GRSF1: variants seen among roughly 807,000 people sequenced by gnomAD.
GRSF1 encodes G-rich RNA sequence binding factor 1.
GRSF1 carries 50 observed loss-of-function variants against 51.1 expected under a neutral mutation model. The observed-to-expected ratio is 0.98, with a 90% CI of 0.78 to 1.24. The LOEUF (loss-of-function observed/expected upper bound fraction) is 1.24, where lower values mean the gene tolerates loss of function less well. Ranked by LOEUF, GRSF1 falls within the 50% of genes most tolerant of loss-of-function variation. The pLI is 0.00. For missense variants in GRSF1, 700 were observed against 639.7 expected, an observed-to-expected ratio of 1.09 and a Z score of -1.02; for synonymous variants, 293 against 253.3, an observed-to-expected ratio of 1.16 and a Z score of -1.49.
Position 70,816,897 on chromosome 4 carries a change from T to A in GRSF1, c.*3990A>T, listed in dbSNP as rs1578287393. The A allele has an allele frequency of 1.3e-5, 2 of 152,282 alleles. No individual in the cohort carries two copies. Among genetic ancestry groups the A allele is most frequent in the East Asian group, 3.9e-4 (2 of 5,190 alleles). The allele number at this position is 152,282 out of a possible 1,614,324, so 9.4% of individuals were successfully genotyped here. A position where few individuals can be genotyped will look rare whatever the true frequency, so the allele number is the denominator to read the frequency against. On this transcript the variant is annotated 3_prime_UTR_variant, in exon 10 of 10. Coordinates refer to ENST00000254799, the MANE Select transcript of GRSF1 (RefSeq NM_002092.4). ...CTGCTTGTACAATCTAAGGGATGGG[T>A]ATTGGCATCACCAAGATTTTATATA...
At chr4:70,839,367 C>G in intron 1 of GRSF1, 104 bp downstream of exon 1, 1 of 1,504,442 alleles carries the variant, frequency 6.6e-7, no homozygotes, top group Non-Finnish European at 8.9e-7. Flanking sequence ...CGCGGATCCC[C>G]GGGCGTGCCC....
chr4:70,841,087 A>T (rs1468374773), upstream of GRSF1, among the ~76,000 whole-genome samples: 1 of 151,942 alleles, frequency 6.6e-6, no homozygotes, highest in Non-Finnish European at 1.5e-5. Context: ...CTGGAGCCCA[A>T]GAGTTCCAGA....
Position 70,825,107 on chromosome 4 carries a change from T to C in GRSF1, c.1393+189A>G, listed in dbSNP as rs1201775761. Among the ~76,000 whole-genome samples, 3 of 151,990 alleles carry C rather than the reference T, an allele frequency of 2.0e-5. No individual in the cohort carries two copies. The East Asian group carries it at 5.8e-4, about 29-fold the overall frequency. On this transcript the variant is annotated intron_variant, in intron 8 of 9. Transcript: ENST00000254799. The stretch of plus-strand genomic sequence containing the variant: ...ACAAAAAAAAAAGAAAGAAAGAGAT[T>C]TGCAGGATAATTAGCAGACAAAATT...
chr4:70,837,880 TC>T (rs1260660291), intron 1 of GRSF1, among the ~76,000 whole-genome samples: 1 of 151,270 alleles, frequency 6.6e-6, no homozygotes, highest in East Asian at 2.0e-4. Context: ...CCTCAGGTGA[TC>T]CACCCGCCGC....
chr4:70,836,197 AG>A lies in GRSF1; in HGVS notation c.474del (p.Trp159GlyfsTer28). On this transcript the variant is annotated frameshift_variant, in exon 2 of 10. Coordinates refer to ENST00000254799, the MANE Select transcript of GRSF1 (RefSeq NM_002092.4). LOFTEE classifies it high-confidence loss of function. Reference sequence around the variant, plus strand: ...AGCACATCTTCCATAGTGCATGACCAGGGCAGTCCTTGAGCTCGAATGAGAA... The same window carrying A: ...AGCACATCTTCCATAGTGCATGACCAGGCAGTCCTTGAGCTCGAATGAGAA... The part of the protein sequence containing the change: ...DVFLIRAQGL[P>X]WSCTMEDVLN... 5 of 1,602,838 alleles carry A rather than the reference AG, an allele frequency of 3.1e-6. No homozygotes were observed. Among genetic ancestry groups the A allele is most frequent in the Non-Finnish European group, 4.3e-6 (5 of 1,175,966 alleles).
At chr4:70,834,883 A>G (rs1734132784) in intron 2 of GRSF1, among the ~76,000 whole-genome samples, 1 of 151,946 alleles carries the variant, frequency 6.6e-6, no homozygotes, top group Non-Finnish European at 1.5e-5. Flanking sequence ...TCGGCCTCCC[A>G]AAGTGCTGGG....
At chr4:70,838,143 C>T (rs1177056109) in intron 1 of GRSF1, among the ~76,000 whole-genome samples, 1 of 138,552 alleles carries the variant, frequency 7.2e-6, no homozygotes, top group Non-Finnish European at 1.5e-5. Flanking sequence ...GGCGTGAACC[C>T]GGAAGGCGGA....
chr4:70,835,492 T>C (rs1734168667), intron 2 of GRSF1, among the ~76,000 whole-genome samples: 1 of 144,410 alleles, frequency 6.9e-6, no homozygotes, highest in Admixed American at 6.8e-5. Flanking sequence ...AGTCTCACTC[T>C]GTCGCCCAGG....
Position 70,831,614 on chromosome 4 carries a change from T to C in GRSF1, c.875A>G (p.Glu292Gly). The C allele has an allele frequency of 1.2e-6, 2 of 1,613,526 alleles. No homozygotes were observed. Among genetic ancestry groups the C allele is most frequent in the Non-Finnish European group, 1.7e-6 (2 of 1,179,470 alleles). ...TGGTTCTTCAAATTGCACATAGGCTTCCCCTGTTTTTCGCCTCCCTCTATA... is the reference window on the plus strand; with the variant it reads ...TGGTTCTTCAAATTGCACATAGGCTCCCCCTGTTTTTCGCCTCCCTCTATA... ...MDYRGRRKTG[E>G]AYVQFEEPEM... Residue 292 changes from glutamate to glycine, a missense_variant, in exon 5 of 10, where the codon GAA (glutamate) becomes GGA (glycine). Physicochemically the swap from Glu to Gly is moderately conservative, Grantham distance 98 (BLOSUM62 -2). Transcript: ENST00000254799.
At chr4:70,822,583 C>CAAAA (rs749025985) in intron 9 of GRSF1, among the ~76,000 whole-genome samples, 4 of 20,488 alleles carry the variant, frequency 2.0e-4, no homozygotes, top group African/African-American at 4.6e-4. Flanking sequence ...GATTTCATAT[C>CAAAA]AAAAAAAAAA....
chr4:70,826,548 AAAG>A lies in GRSF1; in HGVS notation c.1136-306_1136-304del, dbSNP rs1228806170. ...GATTATAGGCACTGAAAAAAAAAAA[AAAG>A]AACAAAGGCTGGGCGTGGTAGCTCA... On this transcript the variant is annotated intron_variant, in intron 6 of 9. Coordinates refer to ENST00000254799, the MANE Select transcript of GRSF1 (RefSeq NM_002092.4). 3.9e-5 allele frequency among the ~76,000 whole-genome samples: 6 copies of A among 152,072 alleles called. No homozygotes were observed. The East Asian group carries it at 7.7e-4, about 20-fold the overall frequency.
rs546531748 is a variant in GRSF1 at position 70,821,463 on chromosome 4, G to A, written c.*26-602C>T. Among the ~76,000 whole-genome samples the A allele has an allele frequency of 7.0e-4, 106 of 151,610 alleles. 2 individuals carry two copies. The highest frequency in any genetic ancestry group is 2.1e-3 in the African/African-American group (86 of 41,364). ...TAAAAATAAAATACAAAACTTAGCCGGGCATGGTGGCATACGCCTGTAGCC... is the reference window on the plus strand; with the variant it reads ...TAAAAATAAAATACAAAACTTAGCCAGGCATGGTGGCATACGCCTGTAGCC... On this transcript the variant is annotated intron_variant, in intron 9 of 9. Coordinates refer to ENST00000254799, the MANE Select transcript of GRSF1 (RefSeq NM_002092.4).
intron 3 of GRSF1, among the ~76,000 whole-genome samples, chr4:70,832,829 T>A (rs1316852700): frequency 6.6e-6 from 1 of 152,170 alleles, no homozygotes; most frequent in African/African-American, 2.4e-5. Context: ...GTGCCTGTAG[T>A]CCCAGCTACT....
At chr4:70,839,253 G>T in intron 1 of GRSF1, 2 of 1,479,974 alleles carry the variant, frequency 1.4e-6, no homozygotes, top group Non-Finnish European at 1.8e-6. Context: ...AGAGACTCGA[G>T]GCGAGAACAA....
intron 5 of GRSF1, among the ~76,000 whole-genome samples, chr4:70,828,433 A>G (rs1371507526): frequency 6.6e-6 from 1 of 152,230 alleles, no homozygotes; most frequent in Non-Finnish European, 1.5e-5. Context: ...TCATATCTGT[A>G]TAAGATATTA....
intron 9 of GRSF1, among the ~76,000 whole-genome samples, chr4:70,823,451 A>C (rs923985291): frequency 6.8e-6 from 1 of 146,480 alleles, no homozygotes; most frequent in East Asian, 2.0e-4. Flanking sequence ...AAAAAATATC[A>C]TAATTAATTC....
chr4:70,821,530 C>T (rs1055379766), intron 9 of GRSF1, among the ~76,000 whole-genome samples: 5 of 150,590 alleles, frequency 3.3e-5, no homozygotes, highest in Admixed American at 6.6e-5. Flanking sequence ...CGCTTGAACC[C>T]GGGGGGCGGA....
chr4:70,841,173 G>T (rs1560606593), upstream of GRSF1, among the ~76,000 whole-genome samples: 2 of 152,122 alleles, frequency 1.3e-5, no homozygotes, highest in Non-Finnish European at 2.9e-5. Context: ...TGGGCCTGTA[G>T]TCCCAGCTAC....
chr4:70,820,831 G>C lies in GRSF1; in HGVS notation c.*56C>G, dbSNP rs560802382. On this transcript the variant is annotated 3_prime_UTR_variant, in exon 10 of 10. Transcript: ENST00000254799. ...AACTGTATATCCCAAGTCCAAGAAAGATGTGCAAATGAAATGCTTCTTGCT... is the reference window on the plus strand; with the variant it reads ...AACTGTATATCCCAAGTCCAAGAAACATGTGCAAATGAAATGCTTCTTGCT... The C allele has an allele frequency of 5.2e-5, 8 of 152,700 alleles. No individual in the cohort carries two copies. Among genetic ancestry groups the C allele is most frequent in the Admixed American group, 5.2e-4 (8 of 15,298 alleles). The allele number at this position is 152,700 out of a possible 1,614,324, so 9.5% of individuals were successfully genotyped here.
Sources: gnomAD v4.1 joint callset for allele counts (sites outside exome capture counted in the v4.1 genomes callset) on GRCh38, gnomAD v4.1.1 for gene constraint, MANE v1.5 for transcripts, NCBI Gene and HGNC (gene_info 2026-07-23, HGNC 2026-07-21) for gene names.